The following SLC25A21 variants were observed in gnomAD, a reference collection of about 807,000 sequenced individuals.
SLC25A21 encodes the protein solute carrier family 25 member 21, also known as mitochondrial 2-oxodicarboxylate carrier.
SLC25A21 carries 47 observed loss-of-function variants against 43.8 expected under a neutral mutation model. That is an observed-to-expected ratio of 1.07 (90% CI 0.85 to 1.37). The LOEUF (loss-of-function observed/expected upper bound fraction) is 1.37. Among genes scored for constraint, SLC25A21 ranks in the 40% most tolerant of loss-of-function variants. The probability of loss-of-function intolerance (pLI) is 0.00; values close to 1 mark genes in which losing one functional copy is unlikely to be tolerated. For missense variants in SLC25A21, 352 were observed against 350.2 expected (o/e 1.00, Z -0.04); for synonymous variants, 131 against 121.3 (o/e 1.08, Z -0.52).
intron 2 of SLC25A21, among the ~76,000 whole-genome samples, chr14:36,821,210 T>C (rs949618022): frequency 1.3e-5 from 2 of 152,134 alleles, no homozygotes; most frequent in African/African-American, 4.8e-5. Flanking sequence ...TATGTTTCTT[T>C]CCCATTTTCT....
intron 1 of SLC25A21, among the ~76,000 whole-genome samples, chr14:37,105,647 G>A (rs771799494): frequency 2.0e-5 from 3 of 152,132 alleles, no homozygotes; most frequent in Non-Finnish European, 2.9e-5. Context: ...GATATCCTGA[G>A]TTAGTAATAT....
intron 1 of SLC25A21, among the ~76,000 whole-genome samples, chr14:37,010,349 T>C (rs1960703284): frequency 6.6e-6 from 1 of 152,204 alleles, no homozygotes; most frequent in Non-Finnish European, 1.5e-5. Flanking sequence ...ATTAGGATTC[T>C]CCTACCTCCT....
At chr14:36,885,658 A>G (rs1179641209) in intron 1 of SLC25A21, among the ~76,000 whole-genome samples, 2 of 152,214 alleles carry the variant, frequency 1.3e-5, no homozygotes, top group African/African-American at 4.8e-5. Flanking sequence ...AAGTAAGTGT[A>G]CTGATAAGTT....
chr14:36,726,412 AACAG>A (rs1232768160), intron 5 of SLC25A21, among the ~76,000 whole-genome samples: 2 of 151,896 alleles, frequency 1.3e-5, no homozygotes, highest in Non-Finnish European at 2.9e-5. Flanking sequence ...CAGCCTGAGC[AACAG>A]AGTGAGACCC....
intron 3 of SLC25A21, among the ~76,000 whole-genome samples, chr14:36,775,717 T>TTAACTTA (rs1376928676): frequency 6.6e-6 from 1 of 152,180 alleles, no homozygotes; most frequent in Admixed American, 6.5e-5. Flanking sequence ...CACTCTACTT[T>TTAACTTA]CTCCCGTTGT....
chr14:36,686,443 T>C (rs559709761), intron 7 of SLC25A21, among the ~76,000 whole-genome samples: 5 of 152,160 alleles, frequency 3.3e-5, no homozygotes, highest in South Asian at 2.1e-4. Flanking sequence ...AGGAGGACAG[T>C]GAATTCTAGA....
chr14:37,092,575 CTCTG>C (rs1962609384), intron 1 of SLC25A21, among the ~76,000 whole-genome samples: 1 of 152,096 alleles, frequency 6.6e-6, no homozygotes, highest in Admixed American at 6.5e-5. Context: ...GAGCCTATGA[CTCTG>C]TCTGGGCTAA....
At chr14:36,811,245 A>C (rs1054285604) in intron 3 of SLC25A21, among the ~76,000 whole-genome samples, 1 of 152,260 alleles carries the variant, frequency 6.6e-6, no homozygotes, top group Non-Finnish European at 1.5e-5. Flanking sequence ...TAATTAAAAC[A>C]GTATGATGCT....
intron 1 of SLC25A21, among the ~76,000 whole-genome samples, chr14:37,167,586 G>A (rs957602168): frequency 3.3e-5 from 5 of 152,130 alleles, no homozygotes; most frequent in African/African-American, 1.2e-4. Context: ...GACTGCCTTT[G>A]TGGGACTAAC....
chr14:36,810,988 T>C (rs10151378), intron 3 of SLC25A21, among the ~76,000 whole-genome samples: 1,213 of 46,302 alleles, frequency 0.026, 12 homozygotes, highest in African/African-American at 0.067. Context: ...ATGAAGTCAC[T>C]TTTAAATGAA....
At chr14:37,011,130 G>A (rs963230325) in intron 1 of SLC25A21, among the ~76,000 whole-genome samples, 9 of 151,914 alleles carry the variant, frequency 5.9e-5, no homozygotes, top group South Asian at 2.1e-4. Flanking sequence ...CAAGTGATCC[G>A]CCCACCTCAG....
At chr14:36,882,212 A>T (rs1164863685) in intron 1 of SLC25A21, among the ~76,000 whole-genome samples, 1 of 152,076 alleles carries the variant, frequency 6.6e-6, no homozygotes, top group Non-Finnish European at 1.5e-5. Flanking sequence ...GTAAAACCCC[A>T]TCTCTACAAA....
chr14:37,067,113 A>G (rs1239215052), intron 1 of SLC25A21, among the ~76,000 whole-genome samples: 3 of 152,202 alleles, frequency 2.0e-5, no homozygotes, highest in Non-Finnish European at 2.9e-5. Flanking sequence ...CCAGAAGAAG[A>G]GAAGAAAAAT....
chr14:36,745,188 G>C (rs1023838932), intron 3 of SLC25A21, among the ~76,000 whole-genome samples: 5 of 151,902 alleles, frequency 3.3e-5, no homozygotes, highest in African/African-American at 1.2e-4. Context: ...CTTTTTTATG[G>C]CTGCATAGTA....
chr14:36,934,246 T>G (rs1030790165), intron 1 of SLC25A21, among the ~76,000 whole-genome samples: 1 of 151,954 alleles, frequency 6.6e-6, no homozygotes, highest in Non-Finnish European at 1.5e-5. Context: ...GCAAAGTACA[T>G]GCCTTTTACT....
At chr14:36,740,803 GC>G (rs905924526) in intron 3 of SLC25A21, among the ~76,000 whole-genome samples, 1 of 152,086 alleles carries the variant, frequency 6.6e-6, no homozygotes. Context: ...CCTCAAAGAT[GC>G]CTTCTTATTG....
chr14:37,106,915 T>C (rs1266364377), intron 1 of SLC25A21, among the ~76,000 whole-genome samples: 1 of 152,214 alleles, frequency 6.6e-6, no homozygotes, highest in Non-Finnish European at 1.5e-5. Context: ...GAACCTACGT[T>C]GAAATATTGG....
At chr14:36,992,435 AT>A (rs946333361) in intron 1 of SLC25A21, among the ~76,000 whole-genome samples, 2 of 151,848 alleles carry the variant, frequency 1.3e-5, no homozygotes, top group African/African-American at 4.8e-5. Flanking sequence ...TAATAAAAAA[AT>A]TTTTTTTAAA....
intron 1 of SLC25A21, among the ~76,000 whole-genome samples, chr14:36,958,679 G>GCACACACACACACACA (rs71124786): frequency 1.5e-5 from 2 of 136,844 alleles, no homozygotes; most frequent in Admixed American, 7.2e-5. Context: ...AAGCACACGT[G>GCACACACACACACACA]CACACACACA....
Sources: allele counts gnomAD v4.1 joint callset (sites outside exome capture counted in the v4.1 genomes callset), GRCh38; gene constraint gnomAD v4.1.1; transcripts MANE v1.5; gene names NCBI Gene and HGNC (gene_info 2026-07-23, HGNC 2026-07-21).